The following CTNNA2 variants were observed in gnomAD, a reference collection of about 807,000 sequenced individuals.
CTNNA2 encodes catenin alpha 2.
Under a neutral mutation model 101.0 loss-of-function variants are expected in CTNNA2, and 42 were observed. That is an observed-to-expected ratio of 0.42 (90% confidence interval 0.32 to 0.54). The LOEUF (loss-of-function observed/expected upper bound fraction) is 0.54, where lower values mean the gene tolerates loss of function less well. CTNNA2 is among the 20% of genes least tolerant of loss of function. CTNNA2 has a pLI of 0.14. For synonymous variants in CTNNA2, 450 were observed against 456.4 expected, an observed-to-expected ratio of 0.99 and a Z score of 0.18; for missense variants, 871 against 1,223.1, an observed-to-expected ratio of 0.71 and a Z score of 4.29.
At chr2:79,715,202 C>T (rs140295723) in intron 2 of CTNNA2, among the ~76,000 whole-genome samples, 1,320 of 74,246 alleles carry the variant, frequency 0.018, 58 homozygotes, top group East Asian at 0.14. Flanking sequence ...AGCAAAATTC[C>T]GTCAAAAAAA....
At chr2:80,039,901 A>G (rs1240415106) in intron 7 of CTNNA2, among the ~76,000 whole-genome samples, 1 of 152,246 alleles carries the variant, frequency 6.6e-6, no homozygotes, top group African/African-American at 2.4e-5. Context: ...CATGGGATTT[A>G]TCGCAAACTT....
intron 1 of CTNNA2, among the ~76,000 whole-genome samples, chr2:79,558,431 GT>G (rs1169692173): frequency 6.6e-6 from 1 of 151,766 alleles, no homozygotes; most frequent in Non-Finnish European, 1.5e-5. Context: ...ATATGCATTA[GT>G]TTAAAGCTTT....
At chr2:80,012,242 G>A (rs1408618907) in intron 7 of CTNNA2, among the ~76,000 whole-genome samples, 1 of 152,140 alleles carries the variant, frequency 6.6e-6, no homozygotes, top group Admixed American at 6.5e-5. Context: ...TGTAATGAGA[G>A]GAAACCCAGC....
chr2:80,565,401 G>A (rs1022731733), intron 12 of CTNNA2, among the ~76,000 whole-genome samples: 2 of 152,116 alleles, frequency 1.3e-5, no homozygotes, highest in East Asian at 3.9e-4. Context: ...ATGATACGGG[G>A]CTGCTGAGGG....
At chr2:79,795,528 A>G (rs10185876) in intron 3 of CTNNA2, among the ~76,000 whole-genome samples, 41,731 of 151,478 alleles carry the variant, frequency 0.28, 6,653 homozygotes, top group East Asian at 0.51. Flanking sequence ...AATCAATTGT[A>G]TTAAATTAAA....
intron 7 of CTNNA2, among the ~76,000 whole-genome samples, chr2:80,195,313 G>A (rs1706760526): frequency 6.6e-6 from 1 of 152,048 alleles, no homozygotes; most frequent in Non-Finnish European, 1.5e-5. Context: ...CATTTCTGGA[G>A]AAATATTAGC....
rs372303521 is a variant in CTNNA2 at position 79,907,028 on chromosome 2, G to A, written c.853-2566G>A. 2.6e-3 allele frequency among the ~76,000 whole-genome samples: 392 copies of A among 152,178 alleles called. 1 individual carries two copies. The highest frequency in any genetic ancestry group is 0.014 in the Middle Eastern group (4 of 294). On this transcript the variant is annotated intron_variant, in intron 6 of 18. Transcript: ENST00000402739. Reference sequence around the variant, plus strand: ...ACTGCAGAGAAACTGTTTTACAATTGTCCTTACTGAAGAGTTCAAATTTAC... The same window carrying A: ...ACTGCAGAGAAACTGTTTTACAATTATCCTTACTGAAGAGTTCAAATTTAC...
intron 3 of CTNNA2, among the ~76,000 whole-genome samples, chr2:79,361,585 C>T (rs1677630742): frequency 6.6e-6 from 1 of 152,122 alleles, no homozygotes; most frequent in Non-Finnish European, 1.5e-5. Flanking sequence ...TTCAATATCC[C>T]TAGCTAGCTG....
At chr2:79,948,043 G>A (rs1688623100) in intron 7 of CTNNA2, among the ~76,000 whole-genome samples, 1 of 152,322 alleles carries the variant, frequency 6.6e-6, no homozygotes, top group African/African-American at 2.4e-5. Flanking sequence ...AATGTCTGCA[G>A]TCCCCTCATC....
intron 7 of CTNNA2, among the ~76,000 whole-genome samples, chr2:80,241,484 A>T (rs551714744): frequency 6.6e-6 from 1 of 152,136 alleles, no homozygotes; most frequent in South Asian, 2.1e-4. Context: ...TATATTCATT[A>T]TGAGCTATAC....
chr2:80,576,726 A>T (rs1305782721), intron 13 of CTNNA2, among the ~76,000 whole-genome samples: 1 of 144,628 alleles, frequency 6.9e-6, no homozygotes, highest in Non-Finnish European at 1.5e-5. Context: ...AGGCAGGTGG[A>T]TCACCTGAGG....
intron 7 of CTNNA2, among the ~76,000 whole-genome samples, chr2:80,380,320 G>A (rs1312448441): frequency 6.6e-6 from 1 of 152,122 alleles, no homozygotes; most frequent in Non-Finnish European, 1.5e-5. Flanking sequence ...ACAGGCGTGA[G>A]CCACCGCACC....
At chr2:80,250,204 A>AGAGTGTGTGT (rs1553476557) in intron 7 of CTNNA2, among the ~76,000 whole-genome samples, 13 of 96,502 alleles carry the variant, frequency 1.3e-4, no homozygotes, top group African/African-American at 3.2e-4. Flanking sequence ...AGAGAGAGAG[A>AGAGTGTGTGT]GTGTGTGTGT....
At position 80,102,514 on chromosome 2, in the gene CTNNA2, T is replaced by A. The variant is rs554354535; in HGVS notation, c.1056+192717T>A. Among the ~76,000 whole-genome samples, 6 of 152,294 alleles carry A rather than the reference T, an allele frequency of 3.9e-5. No individual in the cohort carries two copies. In the South Asian group the frequency reaches 1.0e-3, roughly 26 times the overall value. On this transcript the variant is annotated intron_variant, in intron 7 of 18. Coordinates refer to ENST00000402739, the MANE Select transcript of CTNNA2 (RefSeq NM_001282597.3). Reference sequence around the variant, plus strand: ...CACTAAATTTGTTTATTTATTTATTTATGTATTTATTTAGAGACAGAGTCT... The same window carrying A: ...CACTAAATTTGTTTATTTATTTATTAATGTATTTATTTAGAGACAGAGTCT...
chr2:79,988,846 T>C (rs935457761), intron 7 of CTNNA2, among the ~76,000 whole-genome samples: 18 of 152,220 alleles, frequency 1.2e-4, no homozygotes, highest in African/African-American at 4.3e-4. Flanking sequence ...CTGAGGCTCA[T>C]GAATGAAGAT....
At chr2:79,651,737 C>T in intron 2 of CTNNA2, 79 bp downstream of exon 2, 2 of 1,197,810 alleles carry the variant, frequency 1.7e-6, no homozygotes, top group East Asian at 4.7e-5. Context: ...AAAACTTAGA[C>T]ATCCTTAAAA....
intron 7 of CTNNA2, among the ~76,000 whole-genome samples, chr2:79,956,382 T>C (rs895504813): frequency 6.6e-6 from 1 of 152,128 alleles, no homozygotes; most frequent in Non-Finnish European, 1.5e-5. Flanking sequence ...TAGGACAATA[T>C]TTACGTTTAA....
At chr2:80,407,187 A>G (rs530263429) in intron 8 of CTNNA2, among the ~76,000 whole-genome samples, 49 of 151,976 alleles carry the variant, frequency 3.2e-4, no homozygotes, top group Non-Finnish European at 5.4e-4. Flanking sequence ...AGGCAGGGAA[A>G]TAACAAAAGT....
chr2:79,417,400 T>C (rs933838059), intron 4 of CTNNA2, among the ~76,000 whole-genome samples: 1 of 152,190 alleles, frequency 6.6e-6, no homozygotes, highest in Non-Finnish European at 1.5e-5. Context: ...ATTGGAGCTT[T>C]ATATTGTTGC....
Sources: gnomAD v4.1 joint callset for allele counts (sites outside exome capture counted in the v4.1 genomes callset) on GRCh38, gnomAD v4.1.1 for gene constraint, MANE v1.5 for transcripts, NCBI Gene and HGNC (gene_info 2026-07-23, HGNC 2026-07-21) for gene names.